INPP5D: variants seen among roughly 807,000 people sequenced by gnomAD.
INPP5D encodes phosphatidylinositol 3,4,5-trisphosphate 5-phosphatase 1.
A neutral mutation model predicts 122.9 loss-of-function variants in INPP5D; 33 were observed. The observed-to-expected ratio is 0.27, with a 90% CI of 0.20 to 0.36. The LOEUF (loss-of-function observed/expected upper bound fraction) is 0.36. Among genes scored for constraint, INPP5D ranks in the 10% least tolerant of loss-of-function variants. INPP5D has a pLI of 1.00. For synonymous variants in INPP5D, 584 were observed against 576.2 expected, an observed-to-expected ratio of 1.01 and a Z score of -0.19; for missense variants, 1,053 against 1,412.7, an observed-to-expected ratio of 0.75 and a Z score of 4.08.
At position 233,128,053 on chromosome 2, in the gene INPP5D, C is replaced by A. The variant is rs1225065405; in HGVS notation, c.524+2134C>A. Reference sequence around the variant, plus strand: ...TGGACTATTAGGAACTGGGTGGCAGCAGGAGGTGAGCGGAGGGCAAGCGAG... The same window carrying A: ...TGGACTATTAGGAACTGGGTGGCAGAAGGAGGTGAGCGGAGGGCAAGCGAG... On this transcript the variant is annotated intron_variant, in intron 4 of 26. Coordinates refer to ENST00000445964, the MANE Select transcript of INPP5D (RefSeq NM_001017915.3). This position sits in a 1 kb window ranked among gnomAD's most constrained non-coding sequence, Gnocchi z 4.5. Among the ~76,000 whole-genome samples the A allele has an allele frequency of 6.6e-6, 1 of 152,210 alleles. No individual in the cohort carries two copies. The highest frequency in any genetic ancestry group is 2.4e-5 in the African/African-American group (1 of 41,458).
chr2:233,113,874 C>G (rs1692705135), intron 2 of INPP5D, among the ~76,000 whole-genome samples: 1 of 150,044 alleles, frequency 6.7e-6, no homozygotes, highest in Non-Finnish European at 1.5e-5. Context: ...CACACACCAG[C>G]TTTTAATTGC....
At chr2:233,138,461 TCA>T (rs1441755077) in intron 5 of INPP5D, among the ~76,000 whole-genome samples, 1 of 151,890 alleles carries the variant, frequency 6.6e-6, no homozygotes, top group Non-Finnish European at 1.5e-5. Flanking sequence ...TAACTAGAAA[TCA>T]GCAATAGAAA....
chr2:233,107,827 G>A (rs1692507595), intron 2 of INPP5D, among the ~76,000 whole-genome samples: 2 of 152,084 alleles, frequency 1.3e-5, no homozygotes, highest in Non-Finnish European at 2.9e-5. Flanking sequence ...GACAGGGTGG[G>A]TGCTTGGGCT....
At chr2:233,118,372 C>T (rs1324219949) in intron 2 of INPP5D, among the ~76,000 whole-genome samples, 1 of 152,178 alleles carries the variant, frequency 6.6e-6, no homozygotes, top group African/African-American at 2.4e-5. Context: ...AGACCATGCT[C>T]CTCACCACCC....
In INPP5D at chr2:233,105,126, C is replaced by T. The variant is rs183745012; in HGVS notation, c.199-16981C>T. 1.1e-3 allele frequency among the ~76,000 whole-genome samples: 160 copies of T among 152,274 alleles called. No homozygotes were observed. The highest frequency in any genetic ancestry group is 1.7e-3 in the Non-Finnish European group (119 of 68,018). On this transcript the variant is annotated intron_variant, in intron 2 of 26. Transcript: ENST00000445964. The surrounding 1 kb of genome is among the most constrained non-coding windows in gnomAD (Gnocchi z 4.0). ...CCCCATAGGTGAGGTGGTTCCAGTG[C>T]CCAAGGGCAGTCGTCTGAGGCACCA...
rs1450389482 is a variant in INPP5D at position 233,160,591 on chromosome 2, T to A, written c.1138-1133T>A. On this transcript the variant is annotated intron_variant, in intron 10 of 26. Transcript: ENST00000445964. This position sits in a 1 kb window ranked among gnomAD's most constrained non-coding sequence, Gnocchi z 4.2. ...GACTATGCCCCTTCCAGATGTTTTTTAATTTTCTCTTTCTTTCTTCCTTCC... is the reference window on the plus strand; with the variant it reads ...GACTATGCCCCTTCCAGATGTTTTTAAATTTTCTCTTTCTTTCTTCCTTCC... Among the ~76,000 whole-genome samples the A allele has an allele frequency of 2.6e-5, 4 of 152,186 alleles. No individual in the cohort carries two copies. Among genetic ancestry groups the A allele is most frequent in the Admixed American group, 2.0e-4 (3 of 15,264 alleles).
At chr2:233,110,507 G>A (rs962233689) in intron 2 of INPP5D, among the ~76,000 whole-genome samples, 5 of 152,126 alleles carry the variant, frequency 3.3e-5, no homozygotes, top group Admixed American at 6.5e-5. Context: ...GCAACAAGAT[G>A]CTCTCTAACC....
chr2:233,165,496 G>A (rs1694307962), intron 13 of INPP5D, among the ~76,000 whole-genome samples: 1 of 151,620 alleles, frequency 6.6e-6, no homozygotes, highest in African/African-American at 2.4e-5. Flanking sequence ...ATTTATGTGA[G>A]TCTATGTATG....
Position 233,060,584 on chromosome 2 carries a change from A to C in INPP5D, c.106A>C (p.Ile36Leu), listed in dbSNP as rs528814058. Reference protein sequence around the residue: ...GSFLVRASESISRAYALCVLY... With the variant: ...GSFLVRASESLSRAYALCVLY... Reference sequence around the variant, plus strand: ...CTTCCTCGTGCGTGCCAGCGAGTCCATCTCCCGGGCATACGCGCTCTGCGT... The same window carrying C: ...CTTCCTCGTGCGTGCCAGCGAGTCCCTCTCCCGGGCATACGCGCTCTGCGT... Residue 36 changes from isoleucine to leucine, a missense_variant, in exon 1 of 27, where the codon ATC (isoleucine) becomes CTC (leucine). This residue lies in a region of INPP5D where 74 missense variants were observed against 146.6 expected (regional missense o/e 0.50). Coordinates refer to ENST00000445964, the MANE Select transcript of INPP5D (RefSeq NM_001017915.3). The C allele has an allele frequency of 6.2e-7, 1 of 1,613,998 alleles. No homozygotes were observed. Among genetic ancestry groups the C allele is most frequent in the South Asian group, 1.1e-5 (1 of 91,086 alleles).
chr2:233,198,805 C>T lies in INPP5D; in HGVS notation c.2975+429C>T, dbSNP rs188470128. Among the ~76,000 whole-genome samples, 700 of 151,798 alleles carry T rather than the reference C, an allele frequency of 4.6e-3. 5 individuals are homozygous for T. Among genetic ancestry groups the T allele is most frequent in the Middle Eastern group, 0.017 (5 of 292 alleles). ...ATCTCTACTAAAAATACAAAATTAG[C>T]CAGGGGTGGTGGTGCATGCCTGTAA... is the stretch of plus-strand genomic sequence containing the variant. On this transcript the variant is annotated intron_variant, in intron 25 of 26. Transcript: ENST00000445964.
rs1240500168 is a variant in INPP5D at position 233,074,425 on chromosome 2, G to T, written c.135-4910G>T. Reference sequence around the variant, plus strand: ...TCCATCTCTCACCTCCTGGCCAGCTGAGCCACCTGTTAATGCTTTCTCCCT... The same window carrying T: ...TCCATCTCTCACCTCCTGGCCAGCTTAGCCACCTGTTAATGCTTTCTCCCT... On this transcript the variant is annotated intron_variant, in intron 1 of 26. Coordinates refer to ENST00000445964, the MANE Select transcript of INPP5D (RefSeq NM_001017915.3). 2.6e-5 allele frequency among the ~76,000 whole-genome samples: 4 copies of T among 152,158 alleles called. No individual in the cohort carries two copies. In the East Asian group the frequency reaches 5.8e-4, roughly 22 times the overall value.
At chr2:233,146,515 A>G (rs1693765333) in intron 8 of INPP5D, 77 bp downstream of exon 8, 1 of 700,864 alleles carries the variant, frequency 1.4e-6, no homozygotes, top group Admixed American at 2.0e-5. Flanking sequence ...GTTCCTGTGG[A>G]AAGAGGGATT....
chr2:233,177,947 G>A lies in INPP5D; in HGVS notation c.2071+601G>A, dbSNP rs1223444119. On this transcript the variant is annotated intron_variant, in intron 18 of 26. Transcript: ENST00000445964. This position sits in a 1 kb window ranked among gnomAD's most constrained non-coding sequence, Gnocchi z 4.2. ...TATTAAGTGTGAACCATATGAAAGT[G>A]TTTTTGTAGGTCAGAAATAGTTATT... 6.6e-6 allele frequency among the ~76,000 whole-genome samples: 1 copy of A among 152,168 alleles called. No individual in the cohort carries two copies. The highest frequency in any genetic ancestry group is 2.4e-5 in the African/African-American group (1 of 41,446).
chr2:233,065,307 G>GTTTTTTT (rs376982879), intron 1 of INPP5D, among the ~76,000 whole-genome samples: 4 of 116,968 alleles, frequency 3.4e-5, no homozygotes, highest in South Asian at 2.7e-4. Flanking sequence ...CACTTCTTGG[G>GTTTTTTT]TTTTTTTTTT....
intron 9 of INPP5D, among the ~76,000 whole-genome samples, chr2:233,155,460 T>C (rs1338447968): frequency 6.6e-6 from 1 of 151,762 alleles, no homozygotes; most frequent in East Asian, 1.9e-4. Context: ...CCACCTCTAC[T>C]AAAAATACAA....
Position 233,067,058 on chromosome 2 carries a change from G to A in INPP5D, c.134+6446G>A, listed in dbSNP as rs144439924. On this transcript the variant is annotated intron_variant, in intron 1 of 26. Coordinates refer to ENST00000445964, the MANE Select transcript of INPP5D (RefSeq NM_001017915.3). ...CTCCCAAAGTGCTGGGATTACAGGC[G>A]TGAGCCACTGCACCTGGCCCTGGTA... Among the ~76,000 whole-genome samples, 1,080 of 152,308 alleles carry A rather than the reference G, an allele frequency of 7.1e-3. 17 individuals carry two copies. The highest frequency in any genetic ancestry group is 0.025 in the African/African-American group (1,035 of 41,562).
intron 22 of INPP5D, among the ~76,000 whole-genome samples, chr2:233,190,389 C>T (rs1695022703): frequency 6.6e-6 from 1 of 152,188 alleles, no homozygotes; most frequent in South Asian, 2.1e-4. Context: ...AGGTCTGGAG[C>T]TGCGGACTCC....
In INPP5D at chr2:233,204,660, C is replaced by T. The variant is rs1328186454; in HGVS notation, c.3510C>T (p.His1170=). 6.3e-7 allele frequency: 1 copy of T among 1,577,706 alleles called. No homozygotes were observed. Among genetic ancestry groups the T allele is most frequent in the Non-Finnish European group, 8.6e-7 (1 of 1,163,142 alleles). ...DYRDNTELPH[H]GKHRPEEGPP... The stretch of plus-strand genomic sequence containing the variant: ...GCGACAACACCGAGCTCCCGCATCA[C>T]GGCAAGCACCGGCCGGAGGAGGGGC... The change falls in exon 26 of 27, where the codon CAC becomes CAT. Residue 1170 remains histidine, a synonymous_variant. Transcript: ENST00000445964.
At chr2:233,116,242 TAGATAG>T (rs1278393791) in intron 2 of INPP5D, among the ~76,000 whole-genome samples, 3 of 124,114 alleles carry the variant, frequency 2.4e-5, no homozygotes, top group Admixed American at 1.7e-4. Context: ...GATAGATAGA[TAGATAG>T]ATAGATATAG....
Sources: allele counts gnomAD v4.1 joint callset (sites outside exome capture counted in the v4.1 genomes callset), GRCh38; gene constraint gnomAD v4.1.1; regional missense constraint gnomAD v4.1.1; non-coding constraint Gnocchi (gnomAD v3.1); transcripts MANE v1.5; gene names NCBI Gene and HGNC (gene_info 2026-07-23, HGNC 2026-07-21).